Variants in NFKBIB observed in about 807,000 individuals in gnomAD.
NFKBIB encodes the protein NFKB inhibitor beta, also known as NF-kappa-B inhibitor beta.
NFKBIB carries 16 observed loss-of-function variants against 32.1 expected under a neutral mutation model. The observed-to-expected ratio is 0.50, with a 90% CI of 0.34 to 0.76. The LOEUF (loss-of-function observed/expected upper bound fraction) is 0.76. Among genes scored for constraint, NFKBIB ranks in the 30% least tolerant of loss-of-function variants. The probability of loss-of-function intolerance (pLI) is 0.01; values close to 1 mark genes in which losing one functional copy is unlikely to be tolerated. For missense variants in NFKBIB, 437 were observed against 514.9 expected, an observed-to-expected ratio of 0.85 and a Z score of 1.46; for synonymous variants, 222 against 219.5, an observed-to-expected ratio of 1.01 and a Z score of -0.10.
At chr19:38,903,929 G>C (rs1007936613) in intron 1 of NFKBIB, among the ~76,000 whole-genome samples, 2 of 151,992 alleles carry the variant, frequency 1.3e-5, no homozygotes, top group African/African-American at 2.4e-5. Flanking sequence ...AATTAGCCAG[G>C]TGTGGTGGCA....
chr19:38,905,346 C>T lies in NFKBIB; in HGVS notation c.430C>T (p.Arg144Cys), dbSNP rs762286917. 8 of 1,611,410 alleles carry T rather than the reference C, an allele frequency of 5.0e-6. No homozygotes were observed. Among genetic ancestry groups the T allele is most frequent in the South Asian group, 2.2e-5 (2 of 90,962 alleles). Residue 144 changes from arginine to cysteine, a missense_variant, in exon 3 of 6, where the codon CGT becomes TGT. Arg to Cys is a radical substitution (Grantham distance 180). Transcript: ENST00000313582. This position sits in a 1 kb window ranked among gnomAD's most constrained non-coding sequence, Gnocchi z 5.5. ...ACRVGAHACARALLQPRPRRP... is the reference protein window; with the variant it reads ...ACRVGAHACACALLQPRPRRP... ...CCGTGTGGGGGCACACGCCTGTGCC[C>T]GTGCCCTGCTTCAGCCCCGCCCCCG...
chr19:38,905,920 G>A lies in NFKBIB; in HGVS notation c.619+385G>A, dbSNP rs188118242. 1.7e-3 allele frequency among the ~76,000 whole-genome samples: 255 copies of A among 152,172 alleles called. 4 individuals are homozygous for A. Among genetic ancestry groups the A allele is most frequent in the East Asian group, 9.1e-3 (47 of 5,172 alleles). ...TCTGGCACCCCAGGCTCCCAGCAAT[G>A]GGCAGCAGGGTTCAGAGACAGCCCT... On this transcript the variant is annotated intron_variant, in intron 3 of 5. Coordinates refer to ENST00000313582, the MANE Select transcript of NFKBIB (RefSeq NM_002503.5). This position sits in a 1 kb window ranked among gnomAD's most constrained non-coding sequence, Gnocchi z 5.5.
chr19:38,908,674 G>A (rs2144744929), intron 5 of NFKBIB, 57 bp from the exon 6 acceptor site: 2 of 1,570,064 alleles, frequency 1.3e-6, no homozygotes, highest in South Asian at 1.2e-5. Flanking sequence ...GAGGACATGG[G>A]TGGTGGGCAA....
rs1458935535 is a variant in NFKBIB at position 38,907,404 on chromosome 19, C to T, written c.714C>T (p.Pro238=). 1.9e-6 allele frequency: 3 copies of T among 1,589,222 alleles called. No homozygotes were observed. Among genetic ancestry groups the T allele is most frequent in the South Asian group, 2.2e-5 (2 of 89,648 alleles). ...TTTCTGTTGCACCCCCACAGGAGCC[C>T]ACGTGCGGCCGGAGCCCCCTTCATT... ...DAGADLDKPE[P]TCGRSPLHLA... Residue 238 remains proline, a synonymous_variant, in exon 5 of 6, where the codon CCC becomes CCT. Coordinates refer to ENST00000313582, the MANE Select transcript of NFKBIB (RefSeq NM_002503.5).
rs145220553 is a variant in NFKBIB at position 38,905,078 on chromosome 19, G to A, written c.243G>A (p.Ser81=). 123 of 1,614,002 alleles carry A rather than the reference G, an allele frequency of 7.6e-5. No homozygotes were observed. Among genetic ancestry groups the A allele is most frequent in the Non-Finnish European group, 9.4e-5 (111 of 1,180,030 alleles). ...TCCTGGATTTTCTTCTAGGCTTCTC[G>A]GCCGGCACTGAGTACATGGACCTGC... The part of the protein sequence containing the change: ...EPFLDFLLGF[S]AGTEYMDLQN... The change falls in exon 2 of 6, where the codon TCG becomes TCA. Residue 81 remains serine (S), a synonymous_variant. Transcript: ENST00000313582. This position sits in a 1 kb window ranked among gnomAD's most constrained non-coding sequence, Gnocchi z 5.5.
Position 38,899,972 on chromosome 19 carries a change from C to G in NFKBIB, c.-61C>G, listed in dbSNP as rs1973887066. The G allele has an allele frequency of 2.1e-6, 3 of 1,427,292 alleles. No homozygotes were observed. The highest frequency in any genetic ancestry group is 2.8e-6 in the Non-Finnish European group (3 of 1,089,638). 88.4% of individuals were successfully genotyped at this position (1,427,292 alleles called of 1,614,324 possible). ...TTCCCGCAGGGCGGAAGCTCCAGAA[C>G]TCCCGGCAAAGCCCAGCTACAGGCG... On this transcript the variant is annotated 5_prime_UTR_variant, in exon 1 of 6. Transcript: ENST00000313582.
At chr19:38,908,539 A>T (rs1355885404) in intron 5 of NFKBIB, 192 bp from the exon 6 acceptor site, 22 of 184,578 alleles carry the variant, frequency 1.2e-4, no homozygotes, top group African/African-American at 6.4e-4. Context: ...ACTCCATCTT[A>T]AAAAAAAAAA....
At chr19:38,904,039 C>A (rs777797242) in intron 1 of NFKBIB, among the ~76,000 whole-genome samples, 20 of 151,876 alleles carry the variant, frequency 1.3e-4, no homozygotes, top group Admixed American at 9.2e-4. Flanking sequence ...CACTGCGCTC[C>A]AGCCTGGGCG....
chr19:38,907,018 A>C (rs530767308), intron 3 of NFKBIB, among the ~76,000 whole-genome samples: 7 of 152,300 alleles, frequency 4.6e-5, no homozygotes, highest in African/African-American at 1.7e-4. Context: ...CAAACAACTC[A>C]GGCACTAGCA....
In NFKBIB at chr19:38,907,315, C is replaced by T; in HGVS notation, c.708+6C>T. On this transcript the variant is annotated splice_donor_region_variant and intron_variant, in intron 4 of 5. Transcript: ENST00000313582. The stretch of plus-strand genomic sequence containing the variant: ...GAGCTGACCTTGACAAACCGGTGAG[C>T]CCCAACCTCGGGGAAGATGCCGTCG... 1 of 1,611,246 alleles carries T rather than the reference C, an allele frequency of 6.2e-7. No homozygotes were observed. Among genetic ancestry groups the T allele is most frequent in the Non-Finnish European group, 8.5e-7 (1 of 1,177,902 alleles).
At chr19:38,908,049 A>T (rs1307324406) in intron 5 of NFKBIB, 1 of 1,075,520 alleles carries the variant, frequency 9.3e-7, no homozygotes, top group Non-Finnish European at 1.1e-6. Flanking sequence ...CTGGGGCAGG[A>T]CCCGAGCCAG....
At chr19:38,907,755 C>T in intron 5 of NFKBIB, 96 bp downstream of exon 5, 1 of 1,462,178 alleles carries the variant, frequency 6.8e-7, no homozygotes, top group Non-Finnish European at 9.1e-7. Flanking sequence ...CGACCTTGGG[C>T]TGCTGTTAGA....
rs1266242251 is a variant in NFKBIB, at chr19:38,905,495, G to A, written c.579G>A (p.Glu193=). 5.0e-6 allele frequency: 8 copies of A among 1,613,050 alleles called. No individual in the cohort carries two copies. In the East Asian group the frequency reaches 1.1e-4, roughly 22 times the overall value. The change falls in exon 3 of 6, where the codon GAG becomes GAA. Residue 193 remains glutamate (E), a synonymous_variant. Coordinates refer to ENST00000313582, the MANE Select transcript of NFKBIB (RefSeq NM_002503.5). The surrounding 1 kb of genome is among the most constrained non-coding windows in gnomAD (Gnocchi z 5.5). ...SDLEKEEEES[E]EDWKLQLEAE... Reference sequence around the variant, plus strand: ...TGGAGAAGGAAGAAGAGGAGAGTGAGGAGGACTGGAAGCTGCAGCTGGAGG... The same window carrying A: ...TGGAGAAGGAAGAAGAGGAGAGTGAAGAGGACTGGAAGCTGCAGCTGGAGG...
chr19:38,906,565 G>T (rs1478292475), intron 3 of NFKBIB, among the ~76,000 whole-genome samples: 1 of 148,902 alleles, frequency 6.7e-6, no homozygotes, highest in Non-Finnish European at 1.5e-5. Flanking sequence ...CGCCTCCTGG[G>T]TTCACACCAT....
At position 38,902,085 on chromosome 19, in the gene NFKBIB, C is replaced by CTTTTT. The variant is rs74176475; in HGVS notation, c.179+1883_179+1887dup. ...CTGTATAGTGTTTTTCATTTTATTT[C>CTTTTT]TTTTTTTTTTTTTGAGATGGAGTCT... is the stretch of plus-strand genomic sequence containing the variant. On this transcript the variant is annotated intron_variant, in intron 1 of 5. Coordinates refer to ENST00000313582, the MANE Select transcript of NFKBIB (RefSeq NM_002503.5). Among the ~76,000 whole-genome samples the CTTTTT allele has an allele frequency of 5.3e-4, 49 of 92,388 alleles. 9 individuals carry two copies. The highest frequency in any genetic ancestry group is 4.0e-3 in the South Asian group (9 of 2,226). The allele number at this position is 92,388 out of a possible 152,430, so 60.6% of individuals were successfully genotyped here.
intron 5 of NFKBIB, 150 bp downstream of exon 5, chr19:38,907,809 G>A (rs1974191075): frequency 6.9e-7 from 1 of 1,442,708 alleles, no homozygotes. Flanking sequence ...CTAGTCAGGA[G>A]AGACCTGGAC....
chr19:38,906,531 GC>G, intron 3 of NFKBIB, among the ~76,000 whole-genome samples: 1 of 137,614 alleles, frequency 7.3e-6, no homozygotes. Context: ...GTGCAGTGGC[GC>G]CATCTCAGCT....
intron 1 of NFKBIB, among the ~76,000 whole-genome samples, chr19:38,903,365 C>A (rs866945871): frequency 3.3e-5 from 5 of 152,052 alleles, no homozygotes; most frequent in South Asian, 4.1e-4. Flanking sequence ...CTCACTGCAA[C>A]CTCCATTTCT....
At chr19:38,901,264 A>T (rs1973950426) in intron 1 of NFKBIB, among the ~76,000 whole-genome samples, 1 of 151,180 alleles carries the variant, frequency 6.6e-6, no homozygotes, top group African/African-American at 2.4e-5. Context: ...GGTTTCATTA[A>T]TTTTTTTTTA....
Sources: allele counts gnomAD v4.1 joint callset (sites outside exome capture counted in the v4.1 genomes callset), GRCh38; gene constraint gnomAD v4.1.1; non-coding constraint Gnocchi (gnomAD v3.1); transcripts MANE v1.5; gene names NCBI Gene and HGNC (gene_info 2026-07-23, HGNC 2026-07-21).